CHST12: variants seen among roughly 807,000 people sequenced by gnomAD.
CHST12 encodes the protein carbohydrate (chondroitin 4) sulfotransferase 12.
Under a neutral mutation model 27.9 loss-of-function variants are expected in CHST12, and 23 were observed. That is an observed-to-expected ratio of 0.82 (90% confidence interval 0.59 to 1.17). The LOEUF is 1.17. Ranked by LOEUF, CHST12 falls within the 50% of genes most tolerant of loss-of-function variation. CHST12 has a pLI of 0.00. For missense variants in CHST12, 682 were observed against 603.0 expected, an observed-to-expected ratio of 1.13 and a Z score of -1.37; for synonymous variants, 322 against 273.0, an observed-to-expected ratio of 1.18 and a Z score of -1.77.
At chr7:2,411,928 A>G (rs1205777786) in intron 1 of CHST12, among the ~76,000 whole-genome samples, 2 of 152,140 alleles carry the variant, frequency 1.3e-5, no homozygotes, top group African/African-American at 4.8e-5. Context: ...AGAACTTGAA[A>G]CCCAGTTTGG....
At chr7:2,424,387 G>A (rs1206933671) in intron 1 of CHST12, among the ~76,000 whole-genome samples, 1 of 149,768 alleles carries the variant, frequency 6.7e-6, no homozygotes, top group Non-Finnish European at 1.5e-5. Flanking sequence ...TTGCAGAGGT[G>A]GATGCAGAGT....
In CHST12 at chr7:2,433,038, C is replaced by T. The variant is rs563176537; in HGVS notation, c.399C>T (p.Ala133=). ...GGAGCGTGCTGCGGGGCTTCTGCGC[C>T]AACTCCAGCCTGGCCTTCCCCACCA... is the stretch of plus-strand genomic sequence containing the variant. The part of the protein sequence containing the change: ...ERRSVLRGFC[A]NSSLAFPTKE... Residue 133 remains alanine (A), a synonymous_variant, in exon 2 of 2, where the codon GCC becomes GCT. Transcript: ENST00000618655. The surrounding 1 kb of genome is among the most constrained non-coding windows in gnomAD (Gnocchi z 6.1). 4.8e-5 allele frequency: 77 copies of T among 1,611,612 alleles called. 2 individuals carry two copies. In the South Asian group the frequency reaches 8.1e-4, roughly 17 times the overall value.
chr7:2,430,665 G>A lies in CHST12; in HGVS notation c.-77-1898G>A, dbSNP rs565169572. Among the ~76,000 whole-genome samples, 17 of 151,396 alleles carry A rather than the reference G, an allele frequency of 1.1e-4. 1 individual carries two copies. The highest frequency in any genetic ancestry group is 2.1e-4 in the South Asian group (1 of 4,736). ...GACAGTTTCACCATGTTGGCCAGGC[G>A]GGTCTCCAACTCCTGATCTCAAGTG... is the stretch of plus-strand genomic sequence containing the variant. On this transcript the variant is annotated intron_variant, in intron 1 of 1. Coordinates refer to ENST00000618655, the MANE Select transcript of CHST12 (RefSeq NM_018641.5).
In CHST12 at chr7:2,442,546, G is replaced by A. The variant is rs1782636493; in HGVS notation, c.*8662G>A. ...GCCTGGCTAATTTTTTGTATTTTTA[G>A]TAGAGACGGAGTTTCACCATGTTAG... On this transcript the variant is annotated 3_prime_UTR_variant, in exon 2 of 2. Transcript: ENST00000618655. The A allele has an allele frequency of 6.6e-6, 1 of 152,220 alleles. No individual in the cohort carries two copies. The highest frequency in any genetic ancestry group is 1.5e-5 in the Non-Finnish European group (1 of 68,116). The allele number at this position is 152,220 out of a possible 1,614,324, so 9.4% of individuals were successfully genotyped here.
At chr7:2,428,423 G>A (rs1433160370) in intron 1 of CHST12, among the ~76,000 whole-genome samples, 3 of 152,146 alleles carry the variant, frequency 2.0e-5, no homozygotes, top group East Asian at 1.9e-4. Flanking sequence ...ACAATGCAAC[G>A]GGGCTCTTTT....
chr7:2,426,520 A>G (rs1402204534), intron 1 of CHST12, among the ~76,000 whole-genome samples: 1 of 152,066 alleles, frequency 6.6e-6, no homozygotes, highest in Non-Finnish European at 1.5e-5. Flanking sequence ...GGGGATGAGT[A>G]GGTGTCTACT....
rs1439210433 is a variant in CHST12, at chr7:2,440,890, C to T, written c.*7006C>T. 6.6e-6 allele frequency: 1 copy of T among 152,142 alleles called. No homozygotes were observed. Among genetic ancestry groups the T allele is most frequent in the South Asian group, 2.1e-4 (1 of 4,826 alleles). 9.4% of individuals were successfully genotyped at this position (152,142 alleles called of 1,614,324 possible). A position where few individuals can be genotyped will look rare whatever the true frequency, so the allele number is the denominator to read the frequency against. On this transcript the variant is annotated 3_prime_UTR_variant, in exon 2 of 2. Coordinates refer to ENST00000618655, the MANE Select transcript of CHST12 (RefSeq NM_018641.5). Reference sequence around the variant, plus strand: ...GTGAAGTTACCACCTCGTGAGTGGTCATAAGTTAGCGTGTCTAAATGCACT... The same window carrying T: ...GTGAAGTTACCACCTCGTGAGTGGTTATAAGTTAGCGTGTCTAAATGCACT...
rs761528759 is a variant in CHST12, at chr7:2,433,730, T to TC, written c.1097dup (p.Ser367GlufsTer28). 3.7e-6 allele frequency: 6 copies of TC among 1,613,324 alleles called. No homozygotes were observed. The highest frequency in any genetic ancestry group is 1.7e-5 in the Admixed American group (1 of 59,976). On this transcript the variant is annotated frameshift_variant, in exon 2 of 2. Coordinates refer to ENST00000618655, the MANE Select transcript of CHST12 (RefSeq NM_018641.5). LOFTEE classifies it high-confidence loss of function. This position sits in a 1 kb window ranked among gnomAD's most constrained non-coding sequence, Gnocchi z 6.1. Reference sequence around the variant, plus strand: ...CTCCAGGTGGACCGGCAGCTCCGCTTCCCCCCGAGCTACCGGAACAGGACC... The same window carrying TC: ...CTCCAGGTGGACCGGCAGCTCCGCTTCCCCCCCGAGCTACCGGAACAGGACC...
Position 2,436,494 on chromosome 7 carries a change from A to G in CHST12, c.*2610A>G, listed in dbSNP as rs1304623749. Reference sequence around the variant, plus strand: ...TAATGTCCCATTGTGTGGAAGAGGCATGGTTTGTTTATCTGTTCATCAGTT... The same window carrying G: ...TAATGTCCCATTGTGTGGAAGAGGCGTGGTTTGTTTATCTGTTCATCAGTT... On this transcript the variant is annotated 3_prime_UTR_variant, in exon 2 of 2. Transcript: ENST00000618655. The G allele has an allele frequency of 6.6e-6, 1 of 152,234 alleles. No homozygotes were observed. Among genetic ancestry groups the G allele is most frequent in the African/African-American group, 2.4e-5 (1 of 41,442 alleles). 9.4% of individuals were successfully genotyped at this position (152,234 alleles called of 1,614,324 possible).
At position 2,417,085 on chromosome 7, in the gene CHST12, C is replaced by T. The variant is rs143119706; in HGVS notation, c.-78+13412C>T. The stretch of plus-strand genomic sequence containing the variant: ...AAAGAGATTGATGATAAGAAATTGG[C>T]TCACACAATTACGGAGGCTGAGAAA... On this transcript the variant is annotated intron_variant, in intron 1 of 1. Coordinates refer to ENST00000618655, the MANE Select transcript of CHST12 (RefSeq NM_018641.5). Among the ~76,000 whole-genome samples, 291 of 152,240 alleles carry T rather than the reference C, an allele frequency of 1.9e-3. 1 individual carries two copies. The highest frequency in any genetic ancestry group is 3.0e-3 in the Non-Finnish European group (201 of 68,034).
rs1282937356 is a variant in CHST12 at position 2,444,131 on chromosome 7, A to G, written c.*10247A>G. 6.6e-6 allele frequency: 1 copy of G among 151,020 alleles called. No individual in the cohort carries two copies. Among genetic ancestry groups the G allele is most frequent in the Non-Finnish European group, 1.5e-5 (1 of 67,756 alleles). The allele number at this position is 151,020 out of a possible 1,614,324, so 9.4% of individuals were successfully genotyped here. A position where few individuals can be genotyped will look rare whatever the true frequency, so the allele number is the denominator to read the frequency against. On this transcript the variant is annotated 3_prime_UTR_variant, in exon 2 of 2. Coordinates refer to ENST00000618655, the MANE Select transcript of CHST12 (RefSeq NM_018641.5). The stretch of plus-strand genomic sequence containing the variant: ...AACCCCGTCTCTACTAAAAATACAA[A>G]AAATTAGCCGGGCGTAGTGGCGGGC...
At chr7:2,432,461 G>A (rs1782297269) in intron 1 of CHST12, 102 bp from the exon 2 acceptor site, 1 of 704,366 alleles carries the variant, frequency 1.4e-6, no homozygotes, top group Non-Finnish European at 2.3e-6. Flanking sequence ...ACGTGGCCCA[G>A]CGCTCCTGCT....
intron 1 of CHST12, among the ~76,000 whole-genome samples, chr7:2,414,337 G>A (rs1193473580): frequency 3.3e-5 from 5 of 151,386 alleles, no homozygotes; most frequent in African/African-American, 4.9e-5. Flanking sequence ...AGGCTGGAGC[G>A]CAATGGTGTG....
In CHST12 at chr7:2,434,114, C is replaced by A; in HGVS notation, c.*230C>A. On this transcript the variant is annotated 3_prime_UTR_variant, in exon 2 of 2. Transcript: ENST00000618655. ...TCCCCTCTCCCCTCCGCCCGCCCAC[C>A]CGCCCGCCCGCTCGCCCGCTCGCCC... The A allele has an allele frequency of 2.6e-6, 1 of 384,214 alleles. No individual in the cohort carries two copies. The highest frequency in any genetic ancestry group is 5.5e-5 in the South Asian group (1 of 18,256). 23.8% of individuals were successfully genotyped at this position (384,214 alleles called of 1,614,324 possible). A position where few individuals can be genotyped will look rare whatever the true frequency, so the allele number is the denominator to read the frequency against.
chr7:2,409,243 G>A (rs540594862), intron 1 of CHST12, among the ~76,000 whole-genome samples: 21 of 152,270 alleles, frequency 1.4e-4, no homozygotes, highest in Non-Finnish European at 2.9e-4. Flanking sequence ...GTCGCCTTGG[G>A]AAGTCAGTCG....
rs1196946734 is a variant in CHST12 at position 2,433,124 on chromosome 7, G to A, written c.485G>A (p.Arg162Gln). The A allele has an allele frequency of 1.2e-6, 2 of 1,612,312 alleles. No homozygotes were observed. Among genetic ancestry groups the A allele is most frequent in the Middle Eastern group, 1.7e-4 (1 of 6,060 alleles). ...CTGAGCCACCTGATCGTGGACGACC[G>A]GCACGGGGCCATCTACTGCTACGTG... Reference protein sequence around the residue: ...SELSHLIVDDRHGAIYCYVPK... With the variant: ...SELSHLIVDDQHGAIYCYVPK... Residue 162 changes from arginine to glutamine, a missense_variant, in exon 2 of 2, where the codon CGG (arginine) becomes CAG (glutamine). Coordinates refer to ENST00000618655, the MANE Select transcript of CHST12 (RefSeq NM_018641.5). This position sits in a 1 kb window ranked among gnomAD's most constrained non-coding sequence, Gnocchi z 6.1.
chr7:2,439,339 C>T lies in CHST12; in HGVS notation c.*5455C>T, dbSNP rs1232719717. On this transcript the variant is annotated 3_prime_UTR_variant, in exon 2 of 2. Transcript: ENST00000618655. ...CCAGGACCCAGGGATAGGTGAGGCT[C>T]TCCTATTGGGATACCATTTCACCAG... is the stretch of plus-strand genomic sequence containing the variant. 2 of 152,030 alleles carry T rather than the reference C, an allele frequency of 1.3e-5. No individual in the cohort carries two copies. The highest frequency in any genetic ancestry group is 4.8e-5 in the African/African-American group (2 of 41,380). The allele number at this position is 152,030 out of a possible 1,614,324, so 9.4% of individuals were successfully genotyped here. A position where few individuals can be genotyped will look rare whatever the true frequency, so the allele number is the denominator to read the frequency against.
rs561298912 is a variant in CHST12, at chr7:2,435,746, T to C, written c.*1862T>C. 6.6e-6 allele frequency: 1 copy of C among 152,448 alleles called. No homozygotes were observed. The highest frequency in any genetic ancestry group is 2.4e-5 in the African/African-American group (1 of 41,578). 9.4% of individuals were successfully genotyped at this position (152,448 alleles called of 1,614,324 possible). A position where few individuals can be genotyped will look rare whatever the true frequency, so the allele number is the denominator to read the frequency against. On this transcript the variant is annotated 3_prime_UTR_variant, in exon 2 of 2. Transcript: ENST00000618655. ...GTGGGTCTTGGCCCCCAGTGCCTGC[T>C]AGCCTCAGGTGTCCCCTGTGTTAGA...
At chr7:2,427,196 AAGAG>A (rs532864387) in intron 1 of CHST12, among the ~76,000 whole-genome samples, 7 of 148,204 alleles carry the variant, frequency 4.7e-5, no homozygotes, top group South Asian at 2.1e-4. Context: ...CAAAAGAAAA[AAGAG>A]AGAGAGAGAG....
Sources: gnomAD v4.1 joint callset for allele counts (sites outside exome capture counted in the v4.1 genomes callset) on GRCh38, gnomAD v4.1.1 for gene constraint, Gnocchi (gnomAD v3.1) non-coding constraint, MANE v1.5 for transcripts, NCBI Gene and HGNC (gene_info 2026-07-23, HGNC 2026-07-21) for gene names.